Variants in LRRC4B observed in about 807,000 individuals in gnomAD.
LRRC4B encodes leucine-rich repeat-containing protein 4B.
In LRRC4B, 1 loss-of-function variant was observed where a neutral mutation model predicts 7.3. That is an observed-to-expected ratio of 0.14 (90% CI 0.05 to 0.65). The LOEUF is 0.65. LRRC4B is among the 30% of genes least tolerant of loss of function. The probability of loss-of-function intolerance (pLI) is 0.84; values close to 1 mark genes in which losing one functional copy is unlikely to be tolerated. For synonymous variants in LRRC4B, 500 were observed against 499.2 expected, an observed-to-expected ratio of 1.00 and a Z score of -0.02; for missense variants, 730 against 1,041.6, an observed-to-expected ratio of 0.70 and a Z score of 4.12.
chr19:50,530,735 T>A (rs1312773064), intron 2 of LRRC4B, among the ~76,000 whole-genome samples: 3 of 151,240 alleles, frequency 2.0e-5, no homozygotes, highest in African/African-American at 7.3e-5. Flanking sequence ...GCTAGGCTCC[T>A]TTTTTGTTTT....
intron 2 of LRRC4B, among the ~76,000 whole-genome samples, chr19:50,538,139 AACCT>A (rs10533270): frequency 0.59 from 89,759 of 151,712 alleles, 28,502 homozygotes; most frequent in African/African-American, 0.83. Context: ...AGCTCACTGC[AACCT>A]ACCTCTGCCT....
intron 2 of LRRC4B, among the ~76,000 whole-genome samples, chr19:50,542,679 G>A (rs1366476258): frequency 2.0e-5 from 3 of 151,928 alleles, no homozygotes; most frequent in African/African-American, 4.8e-5. Flanking sequence ...GTTTCACCAT[G>A]TTGGCCAGGC....
rs572094555 is a variant in LRRC4B, at chr19:50,517,511, C to T, written c.*60G>A. ...GGAGGGAGGGGTCCCGGTCAGGCTG[C>T]GCCCGGGCTGGGACCTGGGTGGGGG... On this transcript the variant is annotated 3_prime_UTR_variant, in exon 3 of 3. Transcript: ENST00000652263. This position sits in a 1 kb window ranked among gnomAD's most constrained non-coding sequence, Gnocchi z 6.6. The T allele has an allele frequency of 5.7e-3, 7,701 of 1,352,294 alleles. 36 individuals carry two copies. The highest frequency in any genetic ancestry group is 6.8e-3 in the Non-Finnish European group (7,104 of 1,046,998). The allele number at this position is 1,352,294 out of a possible 1,614,324, so 83.8% of individuals were successfully genotyped here. A position where few individuals can be genotyped will look rare whatever the true frequency, so the allele number is the denominator to read the frequency against.
intron 1 of LRRC4B, among the ~76,000 whole-genome samples, chr19:50,566,021 A>C (rs12971535): frequency 0.78 from 117,963 of 151,750 alleles, 47,041 homozygotes; most frequent in Non-Finnish European, 0.88. Context: ...TCTGTCCCTC[A>C]TTTCTCTGTG....
Position 50,534,085 on chromosome 19 carries a change from G to A in LRRC4B, c.297+14457C>T, listed in dbSNP as rs536948250. Among the ~76,000 whole-genome samples, 5 of 152,310 alleles carry A rather than the reference G, an allele frequency of 3.3e-5. No homozygotes were observed. The South Asian group carries it at 1.0e-3, about 32-fold the overall frequency. On this transcript the variant is annotated intron_variant, in intron 2 of 2. Transcript: ENST00000652263. ...GGTTATTTTTTGAGAGCTGCTATGT[G>A]TCAAGTGTCATACTGGGCTCTGGGG...
At position 50,551,944 on chromosome 19, in the gene LRRC4B, G is replaced by A. The variant is rs529449668; in HGVS notation, c.-35-3071C>T. On this transcript the variant is annotated intron_variant, in intron 1 of 2. Transcript: ENST00000652263. ...CTCCTCCTCAGCCTCCCTTCCCTGC[G>A]CCGCCTGGGGGAGGCCTCCCCCTCC... Among the ~76,000 whole-genome samples the A allele has an allele frequency of 2.2e-4, 32 of 147,426 alleles. No individual in the cohort carries two copies. In the East Asian group the frequency reaches 5.0e-3, roughly 23 times the overall value.
At chr19:50,544,648 A>G (rs551382965) in intron 2 of LRRC4B, among the ~76,000 whole-genome samples, 1 of 152,232 alleles carries the variant, frequency 6.6e-6, no homozygotes, top group Non-Finnish European at 1.5e-5. Context: ...AAAGCGAAGG[A>G]GAGCTACCCA....
At position 50,553,255 on chromosome 19, in the gene LRRC4B, G is replaced by C. The variant is rs371581128; in HGVS notation, c.-35-4382C>G. Among the ~76,000 whole-genome samples the C allele has an allele frequency of 6.3e-4, 96 of 152,016 alleles. 1 individual carries two copies. Among genetic ancestry groups the C allele is most frequent in the African/African-American group, 2.2e-3 (91 of 41,470 alleles). ...CCCCCACTCCCCGTGCGTTCCCCAC[G>C]GGCAGCGAGGGGTATCCTGTCAACA... is the stretch of plus-strand genomic sequence containing the variant. On this transcript the variant is annotated intron_variant, in intron 1 of 2. Transcript: ENST00000652263. The surrounding 1 kb of genome is among the most constrained non-coding windows in gnomAD (Gnocchi z 4.2).
rs754169547 is a variant in LRRC4B at position 50,518,682 on chromosome 19, G to A, written c.1031C>T (p.Ala344Val). Residue 344 changes from alanine (A) to valine (V), a missense_variant, in exon 3 of 3, where the codon GCC becomes GTC. Ala to Val is a moderately conservative substitution (Grantham distance 64). Transcript: ENST00000652263. ...TTCCARCHAP[A>V]GLKGRYIGEL... Reference sequence around the variant, plus strand: ...CCCAATGTAGCGCCCCTTGAGGCCGGCGGGCGCATGACAGCGGGCGCAGCA... The same window carrying A: ...CCCAATGTAGCGCCCCTTGAGGCCGACGGGCGCATGACAGCGGGCGCAGCA... The A allele has an allele frequency of 6.8e-6, 11 of 1,613,756 alleles. No individual in the cohort carries two copies. Among genetic ancestry groups the A allele is most frequent in the Non-Finnish European group, 9.3e-6 (11 of 1,179,874 alleles).
At chr19:50,552,237 C>A (rs1231108507) in intron 1 of LRRC4B, among the ~76,000 whole-genome samples, 4 of 148,720 alleles carry the variant, frequency 2.7e-5, no homozygotes, top group African/African-American at 9.9e-5. Flanking sequence ...GGTCTAGGCA[C>A]ACAATCTTGC....
At chr19:50,530,333 C>T (rs952895645) in intron 2 of LRRC4B, among the ~76,000 whole-genome samples, 2 of 152,200 alleles carry the variant, frequency 1.3e-5, no homozygotes, top group African/African-American at 4.8e-5. Flanking sequence ...CTCCCCATTC[C>T]CCTCTGCATG....
intron 2 of LRRC4B, among the ~76,000 whole-genome samples, chr19:50,539,374 C>T (rs1054830287): frequency 1.3e-5 from 2 of 152,158 alleles, no homozygotes; most frequent in Non-Finnish European, 2.9e-5. Flanking sequence ...GCCTCCATTT[C>T]CACGTCCATA....
At position 50,548,306 on chromosome 19, in the gene LRRC4B, G is replaced by A. The variant is rs973342197; in HGVS notation, c.297+236C>T. Among the ~76,000 whole-genome samples the A allele has an allele frequency of 2.6e-5, 4 of 152,232 alleles. No homozygotes were observed. Among genetic ancestry groups the A allele is most frequent in the Non-Finnish European group, 5.9e-5 (4 of 68,032 alleles). ...GGGGCTGGGCAGGTGGCCTGCACTT[G>A]GGCCCCGACACGGTGGCTCAGAGAC... On this transcript the variant is annotated intron_variant, in intron 2 of 2. Transcript: ENST00000652263. This position sits in a 1 kb window ranked among gnomAD's most constrained non-coding sequence, Gnocchi z 6.8.
intron 1 of LRRC4B, among the ~76,000 whole-genome samples, chr19:50,560,962 G>A (rs900641095): frequency 1.2e-4 from 18 of 152,020 alleles, no homozygotes; most frequent in Non-Finnish European, 1.9e-4. Context: ...GCTGTGGTGC[G>A]TGCCTGTAAT....
intron 1 of LRRC4B, among the ~76,000 whole-genome samples, chr19:50,552,174 A>T: frequency 6.7e-6 from 1 of 149,248 alleles, no homozygotes; most frequent in African/African-American, 2.5e-5. Flanking sequence ...GCCACCACTG[A>T]CCCCCTCGCC....
At chr19:50,567,553 A>G (rs1484954801) in intron 1 of LRRC4B, among the ~76,000 whole-genome samples, 3 of 149,780 alleles carry the variant, frequency 2.0e-5, no homozygotes, top group Non-Finnish European at 4.4e-5. Flanking sequence ...GGGAGGGGCC[A>G]TGGGGAGAGG....
At position 50,519,747 on chromosome 19, in the gene LRRC4B, C is replaced by T. The variant is rs186504821; in HGVS notation, c.298-332G>A. Among the ~76,000 whole-genome samples the T allele has an allele frequency of 7.8e-3, 1,179 of 152,072 alleles. 14 individuals are homozygous for T. Among genetic ancestry groups the T allele is most frequent in the African/African-American group, 0.027 (1,103 of 41,472 alleles). On this transcript the variant is annotated intron_variant, in intron 2 of 2. Coordinates refer to ENST00000652263, the MANE Select transcript of LRRC4B (RefSeq NM_001080457.2). This position sits in a 1 kb window ranked among gnomAD's most constrained non-coding sequence, Gnocchi z 8.1. Reference sequence around the variant, plus strand: ...CAAAAATTAGCCAGGTGTGGTGGTGCGTGTAATCCCAGCTACTCGGGAGGC... The same window carrying T: ...CAAAAATTAGCCAGGTGTGGTGGTGTGTGTAATCCCAGCTACTCGGGAGGC...
intron 2 of LRRC4B, among the ~76,000 whole-genome samples, chr19:50,522,733 C>T (rs1795062223): frequency 6.6e-6 from 1 of 152,218 alleles, no homozygotes; most frequent in African/African-American, 2.4e-5. Flanking sequence ...CCGCCTTGGC[C>T]TTCCAAAGTG....
Position 50,518,549 on chromosome 19 carries a change from G to A in LRRC4B, c.1164C>T (p.Gly388=). The A allele has an allele frequency of 1.3e-6, 2 of 1,586,334 alleles. No individual in the cohort carries two copies. The highest frequency in any genetic ancestry group is 1.7e-6 in the Non-Finnish European group (2 of 1,163,882). The stretch of plus-strand genomic sequence containing the variant: ...GCCAGTTGACGGAGGTCATGGAGGT[G>A]CCCGTGCGGCATTTGAGCTCGGCAG... The part of the protein sequence containing the change: ...GMAAELKCRT[G]TSMTSVNWLT... Residue 388 remains glycine (G), a synonymous_variant, in exon 3 of 3, where the codon GGC becomes GGT. Transcript: ENST00000652263.
Sources: gnomAD v4.1 joint callset for allele counts (sites outside exome capture counted in the v4.1 genomes callset) on GRCh38, gnomAD v4.1.1 for gene constraint, Gnocchi (gnomAD v3.1) non-coding constraint, MANE v1.5 for transcripts, NCBI Gene and HGNC (gene_info 2026-07-23, HGNC 2026-07-21) for gene names.